RRAS2: variants seen among roughly 807,000 people sequenced by gnomAD.
The protein encoded by RRAS2 is ras-related protein R-Ras2.
In RRAS2, 7 loss-of-function variants were observed where a neutral mutation model predicts 27.6. That is an observed-to-expected ratio of 0.25 (90% confidence interval 0.14 to 0.48). The LOEUF is 0.48. Ranked by LOEUF, RRAS2 falls within the 20% of genes least tolerant of loss-of-function variation. The pLI is 0.99. For missense variants in RRAS2, 178 were observed against 256.2 expected, an observed-to-expected ratio of 0.69 and a Z score of 2.08; for synonymous variants, 86 against 90.9, an observed-to-expected ratio of 0.95 and a Z score of 0.31.
At chr11:14,294,196 T>G (rs1171571228) in intron 4 of RRAS2, among the ~76,000 whole-genome samples, 1 of 152,230 alleles carries the variant, frequency 6.6e-6, no homozygotes, top group Non-Finnish European at 1.5e-5. Flanking sequence ...CGAATAAAGC[T>G]AGTTTAAACA....
At chr11:14,349,457 C>T (rs782169857) in intron 1 of RRAS2, among the ~76,000 whole-genome samples, 5 of 152,004 alleles carry the variant, frequency 3.3e-5, no homozygotes, top group African/African-American at 4.8e-5. Flanking sequence ...CCACCACACC[C>T]GGCCTATATC....
intron 4 of RRAS2, among the ~76,000 whole-genome samples, chr11:14,290,540 A>G (rs545863206): frequency 9.7e-4 from 148 of 152,294 alleles, no homozygotes; most frequent in African/African-American, 3.4e-3. Context: ...TAAGGGTGGG[A>G]GATAAGGCAT....
At chr11:14,314,605 T>C in intron 1 of RRAS2, among the ~76,000 whole-genome samples, 1 of 152,240 alleles carries the variant, frequency 6.6e-6, no homozygotes, top group Non-Finnish European at 1.5e-5. Context: ...TGCCATGTAA[T>C]AGCAAATGTT....
intron 1 of RRAS2, among the ~76,000 whole-genome samples, chr11:14,323,131 T>C (rs1484623025): frequency 3.3e-5 from 5 of 151,790 alleles, no homozygotes; most frequent in Admixed American, 6.6e-5. Context: ...CCTAGAAAAA[T>C]ACAAACTCAA....
intron 4 of RRAS2, among the ~76,000 whole-genome samples, chr11:14,291,668 C>T (rs951519111): frequency 3.3e-5 from 5 of 151,560 alleles, no homozygotes; most frequent in Non-Finnish European, 7.4e-5. Context: ...CCCTGAGAAT[C>T]TATTACTTTT....
At chr11:14,294,248 A>T (rs1349822571) in intron 4 of RRAS2, among the ~76,000 whole-genome samples, 2 of 152,228 alleles carry the variant, frequency 1.3e-5, no homozygotes, top group African/African-American at 2.4e-5. Flanking sequence ...ATGAAAAACT[A>T]TTTGAAAATA....
chr11:14,284,037 C>T (rs1554944722), intron 4 of RRAS2, among the ~76,000 whole-genome samples: 1 of 152,000 alleles, frequency 6.6e-6, no homozygotes, highest in Non-Finnish European at 1.5e-5. Context: ...TTTTCCATTT[C>T]ATTGGTCTTC....
At position 14,295,868 on chromosome 11, in the gene RRAS2, A is replaced by G. The variant is rs782329465; in HGVS notation, c.109-13T>C. ...TTACAAAATAGGACTGCAAGAAAAGAAAAAACTTTATTTTAAAATTCATGG... is the reference window on the plus strand; with the variant it reads ...TTACAAAATAGGACTGCAAGAAAAGGAAAAACTTTATTTTAAAATTCATGG... On this transcript the variant is annotated splice_polypyrimidine_tract_variant and intron_variant, in intron 1 of 5. Coordinates refer to ENST00000256196, the MANE Select transcript of RRAS2 (RefSeq NM_012250.6). The G allele has an allele frequency of 1.9e-6, 3 of 1,610,604 alleles. No homozygotes were observed. The South Asian group carries it at 3.3e-5, about 18-fold the overall frequency.
chr11:14,299,197 G>C (rs1297242896), intron 1 of RRAS2, among the ~76,000 whole-genome samples: 1 of 152,182 alleles, frequency 6.6e-6, no homozygotes, highest in African/African-American at 2.4e-5. Flanking sequence ...CTGAATTAGT[G>C]TTTTTTACTC....
chr11:14,319,279 C>G (rs782817634), intron 1 of RRAS2, among the ~76,000 whole-genome samples: 1 of 151,992 alleles, frequency 6.6e-6, no homozygotes, highest in Admixed American at 6.6e-5. Context: ...AGAAGCTTTT[C>G]CCAAGGTATG....
At chr11:14,293,140 T>TATATATATATATAC (rs1564957375) in intron 4 of RRAS2, among the ~76,000 whole-genome samples, 8 of 128,452 alleles carry the variant, frequency 6.2e-5, no homozygotes, top group African/African-American at 2.2e-4. Flanking sequence ...TATATATATA[T>TATATATATATATAC]ATATATATAT....
At chr11:14,354,904 T>C (rs1171405463) in intron 1 of RRAS2, among the ~76,000 whole-genome samples, 2 of 152,084 alleles carry the variant, frequency 1.3e-5, no homozygotes, top group Non-Finnish European at 2.9e-5. Flanking sequence ...CTCAAACTCC[T>C]GACCTCAAGT....
intron 1 of RRAS2, among the ~76,000 whole-genome samples, chr11:14,319,700 C>T (rs1848185993): frequency 6.6e-6 from 1 of 152,138 alleles, no homozygotes; most frequent in East Asian, 1.9e-4. Flanking sequence ...TGCAAGTTTA[C>T]CATACATGAT....
chr11:14,279,981 C>T lies in RRAS2; in HGVS notation c.528-557G>A, dbSNP rs1327514492. 2.0e-5 allele frequency among the ~76,000 whole-genome samples: 3 copies of T among 152,180 alleles called. No individual in the cohort carries two copies. In the East Asian group the frequency reaches 5.8e-4, roughly 29 times the overall value. The stretch of plus-strand genomic sequence containing the variant: ...AACAAACAAAAAACCTCCTCTACTT[C>T]TCCCCTCATTCCTGAATTACTGATG... On this transcript the variant is annotated intron_variant, in intron 5 of 5. Transcript: ENST00000256196.
chr11:14,332,411 G>A (rs34171876), intron 1 of RRAS2, among the ~76,000 whole-genome samples: 1 of 152,150 alleles, frequency 6.6e-6, no homozygotes, highest in African/African-American at 2.4e-5. Context: ...TGAGGCAGGA[G>A]GCCCACTTGA....
chr11:14,343,128 C>T (rs1394968507), intron 1 of RRAS2, among the ~76,000 whole-genome samples: 1 of 152,200 alleles, frequency 6.6e-6, no homozygotes, highest in African/African-American at 2.4e-5. Flanking sequence ...ACTAAAGTAA[C>T]TCATGTCAGA....
At chr11:14,360,263 G>A (rs183158163), upstream of RRAS2, among the ~76,000 whole-genome samples, 72 of 151,410 alleles carry the variant, frequency 4.8e-4, no homozygotes, top group African/African-American at 1.7e-3. Flanking sequence ...AGCCATCTAA[G>A]TGAGACATCT....
chr11:14,358,976 G>A lies in RRAS2; in HGVS notation c.-106C>T, dbSNP rs1487651611. 1.7e-6 allele frequency: 2 copies of A among 1,150,290 alleles called. No individual in the cohort carries two copies. The highest frequency in any genetic ancestry group is 4.8e-5 in the Admixed American group (1 of 20,696). The allele number at this position is 1,150,290 out of a possible 1,614,324, so 71.3% of individuals were successfully genotyped here. Reference sequence around the variant, plus strand: ...GCCGGCGGGCTGCGGGCGAGCGGCCGGGCTGGGGTCCCGGGTACCGGGAGG... The same window carrying A: ...GCCGGCGGGCTGCGGGCGAGCGGCCAGGCTGGGGTCCCGGGTACCGGGAGG... On this transcript the variant is annotated 5_prime_UTR_variant, in exon 1 of 6. Transcript: ENST00000256196. The surrounding 1 kb of genome is among the most constrained non-coding windows in gnomAD (Gnocchi z 5.1).
At chr11:14,292,923 T>C (rs1312208653) in intron 4 of RRAS2, among the ~76,000 whole-genome samples, 1 of 151,428 alleles carries the variant, frequency 6.6e-6, no homozygotes, top group Non-Finnish European at 1.5e-5. Context: ...CTGGCTAACA[T>C]GGTGAAACCC....
Sources: gnomAD v4.1 joint callset for allele counts (sites outside exome capture counted in the v4.1 genomes callset) on GRCh38, gnomAD v4.1.1 for gene constraint, Gnocchi (gnomAD v3.1) non-coding constraint, MANE v1.5 for transcripts, NCBI Gene and HGNC (gene_info 2026-07-23, HGNC 2026-07-21) for gene names.